Variants in ZBTB16 observed in about 807,000 individuals in gnomAD.
ZBTB16 encodes zinc finger and BTB domain containing 16, also known as zinc finger and BTB domain-containing protein 16.
A neutral mutation model predicts 56.8 loss-of-function variants in ZBTB16; 8 were observed. The observed-to-expected ratio is 0.14, with a 90% CI of 0.08 to 0.25. The LOEUF (loss-of-function observed/expected upper bound fraction) is 0.25. Ranked by LOEUF, ZBTB16 falls within the 10% of genes least tolerant of loss-of-function variation. The pLI, the probability that ZBTB16 is intolerant of heterozygous loss-of-function variation, is 1.00. For synonymous variants in ZBTB16, 363 were observed against 368.5 expected (o/e 0.98, Z 0.17); for missense variants, 625 against 903.0 (o/e 0.69, Z 3.95).
rs1422303305 is a variant in ZBTB16 at position 114,122,862 on chromosome 11, G to A, written c.1269-33475G>A. 4.7e-4 allele frequency among the ~76,000 whole-genome samples: 72 copies of A among 152,234 alleles called. 1 individual carries two copies. The highest frequency in any genetic ancestry group is 4.7e-3 in the Admixed American group (72 of 15,302). ...GCCAATCACTCACCGAAGGCTTTGT[G>A]GTGAGTGTTATTTATCTAAGTCTGC... On this transcript the variant is annotated intron_variant, in intron 2 of 6. Coordinates refer to ENST00000335953, the MANE Select transcript of ZBTB16 (RefSeq NM_006006.6).
At chr11:114,175,980 T>G (rs962414936) in intron 3 of ZBTB16, among the ~76,000 whole-genome samples, 23 of 63,758 alleles carry the variant, frequency 3.6e-4, no homozygotes, top group South Asian at 9.7e-4. Flanking sequence ...GGGAGAGGGG[T>G]GTGTGTGTGT....
intron 3 of ZBTB16, among the ~76,000 whole-genome samples, chr11:114,163,707 C>G (rs1213960741): frequency 6.6e-6 from 1 of 152,116 alleles, no homozygotes; most frequent in Non-Finnish European, 1.5e-5. Flanking sequence ...TGTCCCTGCC[C>G]CCAAATACAC....
chr11:114,186,062 A>T (rs1277587804), intron 3 of ZBTB16, among the ~76,000 whole-genome samples: 1 of 152,166 alleles, frequency 6.6e-6, no homozygotes, highest in Non-Finnish European at 1.5e-5. Context: ...TAGGCATTTA[A>T]AATGGAGCAC....
At chr11:114,173,119 G>GC (rs574302860) in intron 3 of ZBTB16, among the ~76,000 whole-genome samples, 60 of 152,326 alleles carry the variant, frequency 3.9e-4, no homozygotes, top group African/African-American at 1.4e-3. Flanking sequence ...CCAAAGGCAA[G>GC]CCAATGAGTG....
intron 3 of ZBTB16, among the ~76,000 whole-genome samples, chr11:114,167,218 T>G (rs959350267): frequency 2.1e-4 from 13 of 62,650 alleles, no homozygotes; most frequent in Admixed American, 1.2e-3. Context: ...GATTTGTGGT[T>G]TTTTTTTTTT....
rs376115130 is a variant in ZBTB16 at position 114,242,389 on chromosome 11, A to G, written c.1624+52A>G. ...TCTGGGTCTCTGGGAGCCAGCGTCTATATTTACCTCCAAGGACGTAAAGTG... is the reference window on the plus strand; with the variant it reads ...TCTGGGTCTCTGGGAGCCAGCGTCTGTATTTACCTCCAAGGACGTAAAGTG... On this transcript the variant is annotated intron_variant, in intron 5 of 6. Transcript: ENST00000335953. 474 of 1,603,216 alleles carry G rather than the reference A, an allele frequency of 3.0e-4. 1 individual carries two copies. In the African/African-American group the frequency reaches 4.9e-3, roughly 17 times the overall value.
chr11:114,178,887 C>T (rs930479171), intron 3 of ZBTB16, among the ~76,000 whole-genome samples: 1 of 152,240 alleles, frequency 6.6e-6, no homozygotes, highest in African/African-American at 2.4e-5. Context: ...TGCCAGGTCA[C>T]TGGTGGGACA....
chr11:114,141,340 C>G (rs755923540), intron 2 of ZBTB16, among the ~76,000 whole-genome samples: 1 of 152,220 alleles, frequency 6.6e-6, no homozygotes, highest in African/African-American at 2.4e-5. Context: ...ACAGCAGCTA[C>G]TGTTGATCTG....
chr11:114,160,890 G>C (rs934830886), intron 3 of ZBTB16, among the ~76,000 whole-genome samples: 2 of 151,866 alleles, frequency 1.3e-5, no homozygotes, highest in Admixed American at 6.6e-5. Context: ...GCTTGGGGTG[G>C]GAAGAGAGAT....
chr11:114,129,550 A>T (rs979374496), intron 2 of ZBTB16, among the ~76,000 whole-genome samples: 1 of 152,132 alleles, frequency 6.6e-6, no homozygotes, highest in Non-Finnish European at 1.5e-5. Flanking sequence ...TCTTGGCCAG[A>T]TTCTGTCTGG....
chr11:114,187,077 A>T (rs771183852), intron 4 of ZBTB16, 39 bp downstream of exon 4: 1 of 1,596,436 alleles, frequency 6.3e-7, no homozygotes, highest in South Asian at 1.1e-5. Context: ...GGTTTTCCAC[A>T]GTGTTGGTAG....
intron 4 of ZBTB16, among the ~76,000 whole-genome samples, chr11:114,202,107 C>A (rs573048649): frequency 8.5e-4 from 130 of 152,306 alleles, no homozygotes; most frequent in African/African-American, 3.1e-3. Context: ...GGGCCTGTGC[C>A]AGCACTCAGA....
At chr11:114,207,829 G>A (rs909388192) in intron 4 of ZBTB16, among the ~76,000 whole-genome samples, 1 of 152,178 alleles carries the variant, frequency 6.6e-6, no homozygotes, top group East Asian at 1.9e-4. Flanking sequence ...GACCAGGCTG[G>A]TCTCGAACTC....
At chr11:114,138,059 G>A (rs945943019) in intron 2 of ZBTB16, among the ~76,000 whole-genome samples, 4 of 152,192 alleles carry the variant, frequency 2.6e-5, no homozygotes, top group Non-Finnish European at 4.4e-5. Flanking sequence ...AAGGGTGCAC[G>A]GGACCTGTTG....
At chr11:114,246,185 C>G (rs1944812241) in intron 5 of ZBTB16, among the ~76,000 whole-genome samples, 2 of 152,196 alleles carry the variant, frequency 1.3e-5, no homozygotes, top group Non-Finnish European at 2.9e-5. Flanking sequence ...GTGCGATACA[C>G]TGAGGCTACA....
intron 2 of ZBTB16, among the ~76,000 whole-genome samples, chr11:114,111,115 C>G (rs936696070): frequency 6.6e-6 from 1 of 151,414 alleles, no homozygotes; most frequent in African/African-American, 2.4e-5. Context: ...TTTGCCGTTT[C>G]TTGGGGACGT....
chr11:114,167,074 C>T (rs1433460849), intron 3 of ZBTB16, among the ~76,000 whole-genome samples: 1 of 152,056 alleles, frequency 6.6e-6, no homozygotes, highest in Non-Finnish European at 1.5e-5. Flanking sequence ...GAGAATGGGG[C>T]AGAGAACAGG....
At chr11:114,205,553 T>A (rs1196265511) in intron 4 of ZBTB16, among the ~76,000 whole-genome samples, 1 of 152,148 alleles carries the variant, frequency 6.6e-6, no homozygotes, top group African/African-American at 2.4e-5. Context: ...GTCTCTTAAG[T>A]GTGCATTGTC....
At chr11:114,127,257 G>A (rs1208482986) in intron 2 of ZBTB16, among the ~76,000 whole-genome samples, 5 of 152,116 alleles carry the variant, frequency 3.3e-5, no homozygotes, top group African/African-American at 7.2e-5. Context: ...CAGCCTAGAC[G>A]TCTCTTCTCT....
Sources: allele counts gnomAD v4.1 joint callset (sites outside exome capture counted in the v4.1 genomes callset), GRCh38; gene constraint gnomAD v4.1.1; transcripts MANE v1.5; gene names NCBI Gene and HGNC (gene_info 2026-07-23, HGNC 2026-07-21).